SNX4: variants seen among roughly 807,000 people sequenced by gnomAD.
SNX4 encodes sorting nexin-4.
Under a neutral mutation model 70.8 loss-of-function variants are expected in SNX4, and 49 were observed. The ratio of observed to expected loss-of-function variants is 0.69; its 90% CI spans 0.55 to 0.88. SNX4 has a LOEUF of 0.88. Among genes scored for constraint, SNX4 ranks in the 40% least tolerant of loss-of-function variants. SNX4 has a pLI of 0.00. For synonymous variants in SNX4, 206 were observed against 183.8 expected (o/e 1.12, Z -0.98); for missense variants, 528 against 544.8 (o/e 0.97, Z 0.31).
chr3:125,493,567 T>C (rs1934709444), intron 5 of SNX4, among the ~76,000 whole-genome samples: 1 of 147,786 alleles, frequency 6.8e-6, no homozygotes, highest in Non-Finnish European at 1.5e-5. Context: ...GGTGGGAGAA[T>C]GGCTTGAGCT....
chr3:125,478,036 TTCC>T (rs201937133), intron 7 of SNX4, among the ~76,000 whole-genome samples: 1 of 144,356 alleles, frequency 6.9e-6, no homozygotes, highest in African/African-American at 2.6e-5. Context: ...AGGATGTCAT[TTCC>T]TCCTCCTCCT....
intron 1 of SNX4, among the ~76,000 whole-genome samples, chr3:125,512,615 G>T (rs1490328200): frequency 6.6e-6 from 1 of 152,136 alleles, no homozygotes; most frequent in Admixed American, 6.5e-5. Flanking sequence ...TTGAATGGCA[G>T]ATGAGACCAG....
intron 9 of SNX4, among the ~76,000 whole-genome samples, chr3:125,469,043 C>A (rs555287618): frequency 1.3e-5 from 2 of 152,204 alleles, no homozygotes; most frequent in African/African-American, 2.4e-5. Flanking sequence ...CTAAAAGCGG[C>A]AAGAGCAAAC....
chr3:125,475,685 C>G (rs550737535), intron 8 of SNX4, among the ~76,000 whole-genome samples: 6 of 152,082 alleles, frequency 3.9e-5, no homozygotes, highest in Non-Finnish European at 7.4e-5. Context: ...TTTAATAATC[C>G]GAAGTAGGGG....
chr3:125,507,981 A>AAAATAC (rs1407801014), intron 1 of SNX4, among the ~76,000 whole-genome samples: 1 of 152,192 alleles, frequency 6.6e-6, no homozygotes, highest in East Asian at 1.9e-4. Flanking sequence ...CAATAGCATC[A>AAAATAC]AAAAGAAAAA....
intron 5 of SNX4, among the ~76,000 whole-genome samples, chr3:125,495,283 T>TACAC (rs202219407): frequency 1.1e-4 from 10 of 87,804 alleles, no homozygotes; most frequent in Non-Finnish European, 1.9e-4. Context: ...TATATACACA[T>TACAC]ACACACACAC....
intron 1 of SNX4, among the ~76,000 whole-genome samples, chr3:125,515,955 T>C (rs1410300860): frequency 1.3e-5 from 2 of 152,198 alleles, no homozygotes; most frequent in Non-Finnish European, 2.9e-5. Flanking sequence ...ATGCCTATAA[T>C]CTTTATCTTC....
In SNX4 at chr3:125,519,220, A is replaced by G. The variant is rs373632491; in HGVS notation, c.141+812T>C. On this transcript the variant is annotated intron_variant, in intron 1 of 13. Transcript: ENST00000251775. ...CTGCAGTTAGTTTCTTAAAGGTTTC[A>G]ATATAAGCAGGTCTACAAATCTTGA... is the stretch of plus-strand genomic sequence containing the variant. Among the ~76,000 whole-genome samples, 31 of 152,230 alleles carry G rather than the reference A, an allele frequency of 2.0e-4. No individual in the cohort carries two copies. In the East Asian group the frequency reaches 3.1e-3, roughly 15 times the overall value.
Position 125,447,550 on chromosome 3 carries a change from C to T in SNX4, c.*229G>A, listed in dbSNP as rs1332789714. 3 of 381,736 alleles carry T rather than the reference C, an allele frequency of 7.9e-6. No individual in the cohort carries two copies. The South Asian group carries it at 2.0e-4, about 25-fold the overall frequency. The allele number at this position is 381,736 out of a possible 1,614,324, so 23.6% of individuals were successfully genotyped here. On this transcript the variant is annotated 3_prime_UTR_variant, in exon 14 of 14. Coordinates refer to ENST00000251775, the MANE Select transcript of SNX4 (RefSeq NM_003794.4). ...CTGTTGGTATATATTATTAAATTAA[C>T]TTTTTGGAATCAGCACCAGTCCCCA...
chr3:125,474,333 TGA>T (rs1312297801), intron 8 of SNX4, among the ~76,000 whole-genome samples: 3 of 152,198 alleles, frequency 2.0e-5, no homozygotes, highest in Non-Finnish European at 2.9e-5. Context: ...TTTATTTTTT[TGA>T]GAGACAGGGT....
At chr3:125,463,083 C>T (rs1419324374) in intron 9 of SNX4, among the ~76,000 whole-genome samples, 2 of 152,210 alleles carry the variant, frequency 1.3e-5, no homozygotes, top group African/African-American at 2.4e-5. Flanking sequence ...CATGGACACA[C>T]TTTATGTCTC....
chr3:125,519,333 C>G (rs1277807012), intron 1 of SNX4, among the ~76,000 whole-genome samples: 1 of 152,112 alleles, frequency 6.6e-6, no homozygotes, highest in Admixed American at 6.6e-5. Flanking sequence ...ATGAAAATCA[C>G]TAATTACTAA....
intron 12 of SNX4, among the ~76,000 whole-genome samples, chr3:125,451,719 C>T (rs977508265): frequency 2.6e-5 from 4 of 151,480 alleles, no homozygotes; most frequent in Admixed American, 2.0e-4. Flanking sequence ...CTCTGCATTC[C>T]GGGTTTGAGC....
rs143348251 is a variant in SNX4 at position 125,451,260 on chromosome 3, C to T, written c.1305+45G>A. The stretch of plus-strand genomic sequence containing the variant: ...GGTAATTTAAATACATGTATAAGCA[C>T]TTCTGAATATACATATATCTTCACT... On this transcript the variant is annotated intron_variant, in intron 13 of 13. Transcript: ENST00000251775. The T allele has an allele frequency of 1.8e-3, 2,487 of 1,357,520 alleles. 60 individuals are homozygous for T. In the East Asian group the frequency reaches 0.047, roughly 25 times the overall value. The allele number at this position is 1,357,520 out of a possible 1,614,324, so 84.1% of individuals were successfully genotyped here.
chr3:125,466,525 G>T (rs1414787377), intron 9 of SNX4, among the ~76,000 whole-genome samples: 2 of 152,084 alleles, frequency 1.3e-5, no homozygotes, highest in Non-Finnish European at 2.9e-5. Context: ...GATAACTTAC[G>T]AAATGGGAGA....
At chr3:125,459,804 G>A (rs1164647743) in intron 10 of SNX4, among the ~76,000 whole-genome samples, 1 of 152,068 alleles carries the variant, frequency 6.6e-6, no homozygotes, top group Non-Finnish European at 1.5e-5. Flanking sequence ...AGCCCTAGAA[G>A]GAAAACGAGC....
At chr3:125,497,495 G>C in intron 4 of SNX4, 107 bp from the exon 5 acceptor site, 2 of 772,968 alleles carry the variant, frequency 2.6e-6, no homozygotes, top group East Asian at 5.2e-5. Flanking sequence ...GAATTGGAGA[G>C]AGAAGTTTAA....
At chr3:125,485,023 C>T (rs1214395758) in intron 6 of SNX4, among the ~76,000 whole-genome samples, 6 of 151,756 alleles carry the variant, frequency 4.0e-5, no homozygotes, top group African/African-American at 7.3e-5. Context: ...GCCAAGGTCA[C>T]GCCACTGCAC....
chr3:125,461,083 G>A (rs1015463510), intron 9 of SNX4, among the ~76,000 whole-genome samples: 34 of 152,088 alleles, frequency 2.2e-4, no homozygotes, highest in African/African-American at 8.0e-4. Flanking sequence ...AAAATTAGCC[G>A]GAAGTGGGGG....
Sources: allele counts gnomAD v4.1 joint callset (sites outside exome capture counted in the v4.1 genomes callset), GRCh38; gene constraint gnomAD v4.1.1; transcripts MANE v1.5; gene names NCBI Gene and HGNC (gene_info 2026-07-23, HGNC 2026-07-21).